ZNF7: variants seen among roughly 807,000 people sequenced by gnomAD.
ZNF7 encodes C2-H2 type zinc finger protein.
A neutral mutation model predicts 12.0 loss-of-function variants in ZNF7; 10 were observed. That is an observed-to-expected ratio of 0.83 (90% CI 0.51 to 1.42). ZNF7 has a LOEUF of 1.42. Among genes scored for constraint, ZNF7 ranks in the 40% most tolerant of loss-of-function variants. The pLI is 0.00. For missense variants in ZNF7, 854 were observed against 837.2 expected, an observed-to-expected ratio of 1.02 and a Z score of -0.25; for synonymous variants, 334 against 295.0, an observed-to-expected ratio of 1.13 and a Z score of -1.35.
chr8:144,832,539 C>G (rs1046801622), intron 3 of ZNF7, among the ~76,000 whole-genome samples: 1 of 151,982 alleles, frequency 6.6e-6, no homozygotes, highest in African/African-American at 2.4e-5. Context: ...ACCAGCCTGA[C>G]CAACATGGTG....
At chr8:144,840,149 A>G (rs1050123449) in intron 4 of ZNF7, among the ~76,000 whole-genome samples, 2 of 152,224 alleles carry the variant, frequency 1.3e-5, no homozygotes, top group Non-Finnish European at 2.9e-5. Context: ...AGGAGTGTCA[A>G]GCAAGCCCTG....
chr8:144,829,094 G>C lies in ZNF7; in HGVS notation c.3+4G>C. On this transcript the variant is annotated splice_donor_region_variant and intron_variant, in intron 2 of 4. Transcript: ENST00000532777. ...CCACCCACCACTGAGCCTCATGGTA[G>C]GAAGCTTGACTGCCTCCTTCCCCTC... The C allele has an allele frequency of 6.2e-7, 1 of 1,614,054 alleles. No homozygotes were observed. The highest frequency in any genetic ancestry group is 1.1e-5 in the South Asian group (1 of 91,032).
At chr8:144,829,276 G>A (rs571267193) in intron 2 of ZNF7, 186 bp downstream of exon 2, 3 of 1,531,466 alleles carry the variant, frequency 2.0e-6, no homozygotes, top group Non-Finnish European at 8.8e-7. Context: ...GGCTCTTGAG[G>A]GGGGAGGGTT....
In ZNF7 at chr8:144,838,264, C is replaced by T. The variant is rs774052123; in HGVS notation, c.247+757C>T. On this transcript the variant is annotated intron_variant, in intron 4 of 4. Transcript: ENST00000532777. ...CAGTCATGGTGGGTTAGGGGCCACC[C>T]CAGTGACCTCATGGTGACTAATTAA... 924 of 626,516 alleles carry T rather than the reference C, an allele frequency of 1.5e-3. 10 individuals carry two copies. The highest frequency in any genetic ancestry group is 2.0e-3 in the Middle Eastern group (8 of 3,992). 38.8% of individuals were successfully genotyped at this position (626,516 alleles called of 1,614,324 possible). A position where few individuals can be genotyped will look rare whatever the true frequency, so the allele number is the denominator to read the frequency against.
At chr8:144,829,715 CT>C in intron 3 of ZNF7, 111 bp downstream of exon 3, 7 of 1,378,552 alleles carry the variant, frequency 5.1e-6, no homozygotes, top group Admixed American at 2.7e-5. Flanking sequence ...CCCTTGTGGG[CT>C]CCACAGGGGG....
In ZNF7 at chr8:144,839,963, G is replaced by T. The variant is rs549644852; in HGVS notation, c.248-1392G>T. ...CTTTATTTTTTTATTTTTTGAGATG[G>T]AGTCTTTGTTGCCCAGGCTGGAGTG... On this transcript the variant is annotated intron_variant, in intron 4 of 4. Transcript: ENST00000532777. Among the ~76,000 whole-genome samples, 16 of 152,238 alleles carry T rather than the reference G, an allele frequency of 1.1e-4. No homozygotes were observed. The South Asian group carries it at 2.7e-3, about 26-fold the overall frequency.
In ZNF7 at chr8:144,841,459, C is replaced by CA; in HGVS notation, c.353dup (p.Asn119GlufsTer9). The CA allele has an allele frequency of 6.2e-7, 1 of 1,614,240 alleles. No homozygotes were observed. On this transcript the variant is annotated frameshift_variant, in exon 5 of 5. Coordinates refer to ENST00000532777, the MANE Select transcript of ZNF7 (RefSeq NM_003416.4). LOFTEE classifies it low-confidence loss of function (END_TRUNC). ...CAGAATCTCCCCACAGGACTTTCCTCAGAATCCTGGCTTTGGAGACGTTTC... is the reference window on the plus strand; with the variant it reads ...CAGAATCTCCCCACAGGACTTTCCTCAAGAATCCTGGCTTTGGAGACGTTTC...
chr8:144,838,950 A>AG (rs1251725148), intron 4 of ZNF7: 4 of 152,116 alleles, frequency 2.6e-5, no homozygotes, highest in African/African-American at 7.3e-5. Context: ...TCAAAAAAAA[A>AG]AAAAAAAAAA....
At chr8:144,838,045 A>G (rs1336635588) in intron 4 of ZNF7, 4 of 694,154 alleles carry the variant, frequency 5.8e-6, no homozygotes, top group Non-Finnish European at 5.2e-6. Flanking sequence ...GGGGTCAGCA[A>G]GCAGGGCCGT....
At chr8:144,829,626 C>T in intron 3 of ZNF7, 22 bp downstream of exon 3, 3 of 1,589,364 alleles carry the variant, frequency 1.9e-6, no homozygotes, top group South Asian at 2.2e-5. Flanking sequence ...CCTTGGGGCC[C>T]CTTCCCCTGC....
At position 144,841,896 on chromosome 8, in the gene ZNF7, G is replaced by A. The variant is rs564042571; in HGVS notation, c.789G>A (p.Ser263=). 3.2e-5 allele frequency: 51 copies of A among 1,613,934 alleles called. No individual in the cohort carries two copies. The highest frequency in any genetic ancestry group is 2.1e-4 in the South Asian group (19 of 91,080). Residue 263 remains serine (S), a synonymous_variant, in exon 5 of 5, where the codon TCG becomes TCA. Transcript: ENST00000532777. ...GTGGGAAAGTCTTCAGGCTCTGCTC[G>A]CAGCTTAATCAGCATCAGAGAATCC... ...AECGKVFRLC[S]QLNQHQRIHT...
chr8:144,833,290 C>A (rs1051102796), intron 3 of ZNF7, among the ~76,000 whole-genome samples: 1 of 150,674 alleles, frequency 6.6e-6, no homozygotes, highest in Non-Finnish European at 1.5e-5. Flanking sequence ...GAACCCTGTT[C>A]TCTTCCCTGA....
At position 144,828,324 on chromosome 8, in the gene ZNF7, C is replaced by G. The variant is rs571912814; in HGVS notation, c.-46+715C>G. Among the ~76,000 whole-genome samples, 12 of 152,302 alleles carry G rather than the reference C, an allele frequency of 7.9e-5. No homozygotes were observed. The East Asian group carries it at 2.1e-3, about 27-fold the overall frequency. On this transcript the variant is annotated intron_variant, in intron 1 of 4. Transcript: ENST00000532777. ...ATCCCTGTGCCTGGTTCCATCCTGG[C>G]GACAGGTGAGCTGGAGACTGGAATT...
At chr8:144,829,399 C>T in intron 2 of ZNF7, 79 bp from the exon 3 acceptor site, 1 of 1,598,688 alleles carries the variant, frequency 6.3e-7, no homozygotes, top group Non-Finnish European at 8.5e-7. Flanking sequence ...GGGGCAGCTG[C>T]CTGAGACATG....
intron 1 of ZNF7, 83 bp from the exon 2 acceptor site, chr8:144,828,960 C>T (rs927527345): frequency 1.3e-6 from 2 of 1,522,690 alleles, no homozygotes; most frequent in African/African-American, 2.8e-5. Flanking sequence ...GGTAAAGGAG[C>T]AGAGAGCACA....
intron 4 of ZNF7, among the ~76,000 whole-genome samples, chr8:144,839,929 G>A (rs1563837008): frequency 6.6e-6 from 1 of 152,198 alleles, no homozygotes; most frequent in Non-Finnish European, 1.5e-5. Context: ...TGCTCTCTCT[G>A]CCGCTGCTCT....
intron 3 of ZNF7, among the ~76,000 whole-genome samples, chr8:144,833,153 G>C (rs1291483054): frequency 2.7e-5 from 4 of 146,790 alleles, no homozygotes; most frequent in African/African-American, 7.5e-5. Flanking sequence ...AGCTGAGATC[G>C]TGCCACTGCA....
chr8:144,837,923 A>G (rs2722491), intron 4 of ZNF7: 58,513 of 623,474 alleles, frequency 0.094, 10,283 homozygotes, highest in African/African-American at 0.51. Context: ...CTCAGGCTCC[A>G]GGAGTGCATT....
rs752418517 is a variant in ZNF7, at chr8:144,841,583, T to C, written c.476T>C (p.Val159Ala). Residue 159 changes from valine (V) to alanine (A), a missense_variant, in exon 5 of 5, where the codon GTT becomes GCT. Val to Ala is a moderately conservative substitution (Grantham distance 64). Coordinates refer to ENST00000532777, the MANE Select transcript of ZNF7 (RefSeq NM_003416.4). Reference protein sequence around the residue: ...QNNCLNEETVVPKTFTKDAPQ... With the variant: ...QNNCLNEETVAPKTFTKDAPQ... ...AACTGTTTGAATGAGGAGACTGTGGTTCCCAAGACCTTCACCAAGGACGCA... is the reference window on the plus strand; with the variant it reads ...AACTGTTTGAATGAGGAGACTGTGGCTCCCAAGACCTTCACCAAGGACGCA... 1 of 1,614,118 alleles carries C rather than the reference T, an allele frequency of 6.2e-7. No homozygotes were observed. Among genetic ancestry groups the C allele is most frequent in the Non-Finnish European group, 8.5e-7 (1 of 1,180,026 alleles).
Sources: gnomAD v4.1 joint callset for allele counts (sites outside exome capture counted in the v4.1 genomes callset) on GRCh38, gnomAD v4.1.1 for gene constraint, MANE v1.5 for transcripts, NCBI Gene and HGNC (gene_info 2026-07-23, HGNC 2026-07-21) for gene names.